The following JMJD1C variants were observed in gnomAD, a reference collection of about 807,000 sequenced individuals.
JMJD1C encodes the protein jumonji domain-containing protein 1C.
Under a neutral mutation model 245.3 loss-of-function variants are expected in JMJD1C, and 31 were observed. The ratio of observed to expected loss-of-function variants is 0.13; its 90% CI spans 0.09 to 0.17. The LOEUF is 0.17. JMJD1C is among the 10% of genes least tolerant of loss of function. The pLI, the probability that JMJD1C is intolerant of heterozygous loss-of-function variation, is 1.00. For missense variants in JMJD1C, 2,691 were observed against 3,000.2 expected, an observed-to-expected ratio of 0.90 and a Z score of 2.41; for synonymous variants, 1,057 against 1,017.4, an observed-to-expected ratio of 1.04 and a Z score of -0.74.
intron 1 of JMJD1C, chr10:63,427,758 C>T (rs1950524965): frequency 1.5e-6 from 2 of 1,361,690 alleles, no homozygotes; most frequent in East Asian, 2.3e-5. Flanking sequence ...TCAAAAGCAA[C>T]GTGACCAAGA....
intron 1 of JMJD1C, among the ~76,000 whole-genome samples, chr10:63,441,509 G>T (rs1215317935): frequency 6.6e-6 from 1 of 152,140 alleles, no homozygotes; most frequent in Non-Finnish European, 1.5e-5. Flanking sequence ...TAGCACACAG[G>T]AAGTACTATA....
In JMJD1C at chr10:63,206,983, A is replaced by G. The variant is rs1485874523; in HGVS notation, c.4686T>C (p.Asp1562=). ...AATTTTCCATTTTATTAGTATTTTT[A>G]TCTTCTTCTGAGTGTCTGGTGAGCC... ...KAWLTRHSEE[D]KNTNKMENSG... is the part of the protein sequence containing the mutation. The change falls in exon 10 of 26, where the codon GAT becomes GAC. Residue 1562 remains aspartate (D), a synonymous_variant. Transcript: ENST00000399262. The G allele has an allele frequency of 1.9e-6, 3 of 1,611,612 alleles. No individual in the cohort carries two copies. Among genetic ancestry groups the G allele is most frequent in the East Asian group, 4.5e-5 (2 of 44,868 alleles).
chr10:63,267,277 G>A (rs185001351), intron 2 of JMJD1C, among the ~76,000 whole-genome samples: 1 of 152,076 alleles, frequency 6.6e-6, no homozygotes, highest in East Asian at 1.9e-4. Context: ...AAAATGAAAG[G>A]CAAACAACAT....
chr10:63,269,431 T>C (rs1856018679), intron 2 of JMJD1C, among the ~76,000 whole-genome samples: 2 of 152,242 alleles, frequency 1.3e-5, no homozygotes, highest in African/African-American at 2.4e-5. Context: ...TCAAGTTTAC[T>C]GTCTCCTTCA....
chr10:63,328,835 G>T (rs530662281), intron 2 of JMJD1C, among the ~76,000 whole-genome samples: 1 of 152,050 alleles, frequency 6.6e-6, no homozygotes, highest in South Asian at 2.1e-4. Context: ...ATTTATTTGG[G>T]ACATTTATTC....
chr10:63,454,777 T>G, intron 1 of JMJD1C, among the ~76,000 whole-genome samples: 1 of 152,346 alleles, frequency 6.6e-6, no homozygotes, highest in Non-Finnish European at 1.5e-5. Flanking sequence ...GCTACCATAC[T>G]GAAAAGCACA....
chr10:63,184,403 T>C (rs1843866607), intron 21 of JMJD1C, among the ~76,000 whole-genome samples: 2 of 152,068 alleles, frequency 1.3e-5, no homozygotes, highest in Admixed American at 1.3e-4. Context: ...CCACCACACC[T>C]GGCTAATTTT....
At chr10:63,413,002 A>G (rs1424832564) in intron 1 of JMJD1C, among the ~76,000 whole-genome samples, 3 of 151,840 alleles carry the variant, frequency 2.0e-5, no homozygotes, top group Admixed American at 2.0e-4. Flanking sequence ...ATTAAAATAA[A>G]TAAGAAAAAG....
At chr10:63,193,287 T>C (rs1845062764) in intron 15 of JMJD1C, 58 bp downstream of exon 15, 1 of 1,518,974 alleles carries the variant, frequency 6.6e-7, no homozygotes, top group Non-Finnish European at 8.9e-7. Flanking sequence ...CAAATAAATA[T>C]CAAAGTTGAC....
chr10:63,318,887 A>G (rs1940453495), intron 2 of JMJD1C, among the ~76,000 whole-genome samples: 1 of 152,132 alleles, frequency 6.6e-6, no homozygotes. Flanking sequence ...TTTAATATTA[A>G]GGTTTGAAAA....
At chr10:63,285,119 G>A (rs1218346677) in intron 2 of JMJD1C, among the ~76,000 whole-genome samples, 1 of 152,122 alleles carries the variant, frequency 6.6e-6, no homozygotes, top group Non-Finnish European at 1.5e-5. Context: ...ACCAAACTGG[G>A]CCTACACCAT....
chr10:63,250,350 C>T (rs779156967), intron 3 of JMJD1C, among the ~76,000 whole-genome samples: 3 of 151,948 alleles, frequency 2.0e-5, no homozygotes, highest in East Asian at 1.9e-4. Context: ...CAGATAAGTA[C>T]GTATATTTAT....
chr10:63,365,662 T>A (rs1564838095), intron 2 of JMJD1C, among the ~76,000 whole-genome samples: 1 of 152,218 alleles, frequency 6.6e-6, no homozygotes, highest in African/African-American at 2.4e-5. Flanking sequence ...TCACTCTCAG[T>A]TGTGCTACTA....
At chr10:63,177,695 T>A (rs760925143) in intron 23 of JMJD1C, 22 bp downstream of exon 23, 5 of 1,612,738 alleles carry the variant, frequency 3.1e-6, no homozygotes, top group Non-Finnish European at 2.5e-6. Context: ...GGAAGAGATA[T>A]TATTTGCAAA....
intron 2 of JMJD1C, chr10:63,268,758 C>T: frequency 1.0e-6 from 1 of 985,372 alleles, no homozygotes; most frequent in Non-Finnish European, 1.2e-6. Context: ...CTATTTTGTT[C>T]TGGAAGAGTA....
intron 1 of JMJD1C, among the ~76,000 whole-genome samples, chr10:63,429,443 T>C (rs959663809): frequency 6.6e-6 from 1 of 152,242 alleles, no homozygotes; most frequent in Non-Finnish European, 1.5e-5. Flanking sequence ...TCTGTTTTTC[T>C]CACAACTCAT....
intron 3 of JMJD1C, among the ~76,000 whole-genome samples, chr10:63,233,673 A>G (rs1011151717): frequency 1.3e-5 from 2 of 151,330 alleles, no homozygotes; most frequent in Non-Finnish European, 2.9e-5. Context: ...CATTCCTTTT[A>G]CTTTTCCAAC....
intron 2 of JMJD1C, among the ~76,000 whole-genome samples, chr10:63,355,810 C>T (rs747952010): frequency 2.6e-5 from 4 of 151,454 alleles, no homozygotes; most frequent in South Asian, 2.1e-4. Context: ...ATGAGATGGG[C>T]GCCCAGTGAG....
chr10:63,369,017 C>G (rs915436966), intron 2 of JMJD1C, among the ~76,000 whole-genome samples: 1 of 152,086 alleles, frequency 6.6e-6, no homozygotes, highest in South Asian at 2.1e-4. Context: ...GTTAAAGCCT[C>G]CTCAGGGTGT....
Sources: allele counts gnomAD v4.1 joint callset (sites outside exome capture counted in the v4.1 genomes callset), GRCh38; gene constraint gnomAD v4.1.1; transcripts MANE v1.5; gene names NCBI Gene and HGNC (gene_info 2026-07-23, HGNC 2026-07-21).